The following BTRC variants were observed in gnomAD, a reference collection of about 807,000 sequenced individuals.
BTRC encodes beta-transducin repeat containing E3 ubiquitin protein ligase.
A neutral mutation model predicts 85.5 loss-of-function variants in BTRC; 42 were observed. The observed-to-expected ratio is 0.49, with a 90% CI of 0.38 to 0.64. The LOEUF is 0.64. Among genes scored for constraint, BTRC ranks in the 30% least tolerant of loss-of-function variants. The pLI is 0.00. For missense variants in BTRC, 594 were observed against 743.5 expected (o/e 0.80, Z 2.34); for synonymous variants, 255 against 263.3 (o/e 0.97, Z 0.30).
At chr10:101,424,410 A>G (rs564194089) in intron 1 of BTRC, among the ~76,000 whole-genome samples, 134 of 152,300 alleles carry the variant, frequency 8.8e-4, no homozygotes, top group Admixed American at 3.5e-3. Context: ...TTACATGATT[A>G]TGGTATACTG....
chr10:101,397,597 T>C (rs528759620), intron 1 of BTRC, among the ~76,000 whole-genome samples: 1 of 152,214 alleles, frequency 6.6e-6, no homozygotes, highest in Non-Finnish European at 1.5e-5. Flanking sequence ...ATAATGATTT[T>C]TTTGGTAGCA....
chr10:101,387,002 A>G (rs1159318862), intron 1 of BTRC, among the ~76,000 whole-genome samples: 2 of 152,094 alleles, frequency 1.3e-5, no homozygotes, highest in Admixed American at 6.6e-5. Context: ...TGGATTTACA[A>G]TGGCCCCCAG....
chr10:101,503,904 A>G (rs916249065), intron 4 of BTRC, among the ~76,000 whole-genome samples: 5 of 152,230 alleles, frequency 3.3e-5, no homozygotes, highest in Admixed American at 1.3e-4. Flanking sequence ...AGCACAAAGA[A>G]GAGCAGGGTA....
At chr10:101,400,533 T>A (rs899107965) in intron 1 of BTRC, among the ~76,000 whole-genome samples, 1 of 152,120 alleles carries the variant, frequency 6.6e-6, no homozygotes. Flanking sequence ...GATCCATAAG[T>A]CTAATGCTAA....
intron 4 of BTRC, among the ~76,000 whole-genome samples, chr10:101,501,574 C>T (rs1426746822): frequency 1.3e-5 from 2 of 152,064 alleles, no homozygotes; most frequent in Non-Finnish European, 2.9e-5. Context: ...GTATGTATTC[C>T]TTAAATGGAA....
At chr10:101,412,111 A>T (rs1430072360) in intron 1 of BTRC, among the ~76,000 whole-genome samples, 1 of 152,144 alleles carries the variant, frequency 6.6e-6, no homozygotes, top group Non-Finnish European at 1.5e-5. Context: ...CTGAGCTTAT[A>T]GTTCTGTTGT....
At position 101,461,235 on chromosome 10, in the gene BTRC, T is replaced by A. The variant is rs142845462; in HGVS notation, c.157-746T>A. ...GGGTTTTAAATATTAATGTTATTAA[T>A]GTTACTAATGTTGTTGCTGAAAATG... On this transcript the variant is annotated intron_variant, in intron 2 of 14. Coordinates refer to ENST00000370187, the MANE Select transcript of BTRC (RefSeq NM_033637.4). Among the ~76,000 whole-genome samples the A allele has an allele frequency of 2.3e-3, 352 of 152,290 alleles. 2 individuals are homozygous for A. Among genetic ancestry groups the A allele is most frequent in the South Asian group, 5.2e-3 (25 of 4,826 alleles).
chr10:101,501,676 AT>A (rs1946404251), intron 4 of BTRC, among the ~76,000 whole-genome samples: 1 of 152,202 alleles, frequency 6.6e-6, no homozygotes, highest in African/African-American at 2.4e-5. Context: ...AGTGCTCCAT[AT>A]GAACTTAAAC....
intron 3 of BTRC, among the ~76,000 whole-genome samples, chr10:101,475,173 A>G (rs1019389489): frequency 5.9e-5 from 9 of 152,186 alleles, no homozygotes; most frequent in African/African-American, 2.2e-4. Context: ...TTTTTCATAT[A>G]TATTTTGAAA....
At position 101,552,837 on chromosome 10, in the gene BTRC, C is replaced by T. The variant is rs868608752; in HGVS notation, c.*32-318C>T. On this transcript the variant is annotated intron_variant, in intron 14 of 14. Transcript: ENST00000370187. Reference sequence around the variant, plus strand: ...AAGGCAGGGCCCACAGACCATCCCCCACCCCTGCCCTGCCATTCTACAGGG... The same window carrying T: ...AAGGCAGGGCCCACAGACCATCCCCTACCCCTGCCCTGCCATTCTACAGGG... Among the ~76,000 whole-genome samples, 7 of 152,304 alleles carry T rather than the reference C, an allele frequency of 4.6e-5. No individual in the cohort carries two copies. The South Asian group carries it at 6.2e-4, about 14-fold the overall frequency.
chr10:101,420,723 T>G (rs1944078567), intron 1 of BTRC, among the ~76,000 whole-genome samples: 1 of 152,022 alleles, frequency 6.6e-6, no homozygotes, highest in African/African-American at 2.4e-5. Context: ...TCCTACTACT[T>G]GGACTCCAAA....
chr10:101,367,517 A>G (rs1942504017), intron 1 of BTRC, among the ~76,000 whole-genome samples: 2 of 152,202 alleles, frequency 1.3e-5, no homozygotes, highest in South Asian at 4.1e-4. Flanking sequence ...GTTTTTACCT[A>G]GTGAACACAT....
intron 5 of BTRC, among the ~76,000 whole-genome samples, chr10:101,523,801 T>C (rs1433989058): frequency 6.6e-6 from 1 of 152,206 alleles, no homozygotes; most frequent in African/African-American, 2.4e-5. Flanking sequence ...AGTTGTTGCA[T>C]AATATTCTTC....
In BTRC at chr10:101,405,162, C is replaced by T. The variant is rs964012026; in HGVS notation, c.49-25183C>T. ...CCAGTACTATCTGGTTCCCTGGGGC[C>T]GCCTTTTTCAGTCCTCCAGCCAGAA... On this transcript the variant is annotated intron_variant, in intron 1 of 14. Transcript: ENST00000370187. 5.9e-5 allele frequency among the ~76,000 whole-genome samples: 9 copies of T among 151,904 alleles called. No individual in the cohort carries two copies. The South Asian group carries it at 1.0e-3, about 18-fold the overall frequency.
At chr10:101,543,302 G>A (rs1214044271) in intron 13 of BTRC, among the ~76,000 whole-genome samples, 1 of 151,970 alleles carries the variant, frequency 6.6e-6, no homozygotes, top group Non-Finnish European at 1.5e-5. Flanking sequence ...TCTTTGTTTT[G>A]GGAAATTAAT....
At chr10:101,508,243 A>G (rs1230816566) in intron 4 of BTRC, among the ~76,000 whole-genome samples, 1 of 152,220 alleles carries the variant, frequency 6.6e-6, no homozygotes, top group African/African-American at 2.4e-5. Context: ...TATACTGGGC[A>G]ATGTCAGTTC....
intron 5 of BTRC, among the ~76,000 whole-genome samples, chr10:101,524,352 C>A (rs2062160744): frequency 6.6e-6 from 1 of 152,162 alleles, no homozygotes; most frequent in African/African-American, 2.4e-5. Context: ...CTATCTCAAG[C>A]TTATACCACT....
intron 4 of BTRC, among the ~76,000 whole-genome samples, chr10:101,505,141 A>G (rs1394334814): frequency 2.1e-4 from 26 of 121,584 alleles, no homozygotes; most frequent in African/African-American, 4.7e-4. Flanking sequence ...ATATATATGT[A>G]TATATATATG....
At chr10:101,451,255 C>T (rs1025802249) in intron 2 of BTRC, among the ~76,000 whole-genome samples, 20 of 152,130 alleles carry the variant, frequency 1.3e-4, no homozygotes, top group African/African-American at 4.8e-4. Flanking sequence ...AGCACTTCTC[C>T]TTTTAATAGT....
Sources: allele counts gnomAD v4.1 joint callset (sites outside exome capture counted in the v4.1 genomes callset), GRCh38; gene constraint gnomAD v4.1.1; transcripts MANE v1.5; gene names NCBI Gene and HGNC (gene_info 2026-07-23, HGNC 2026-07-21).